The following RGS5 variants were observed in gnomAD, a reference collection of about 807,000 sequenced individuals.
The protein encoded by RGS5 is regulator of G protein signaling 5, also known as regulator of G-protein signalling 5.
A neutral mutation model predicts 18.9 loss-of-function variants in RGS5; 20 were observed. That is an observed-to-expected ratio of 1.06 (90% CI 0.74 to 1.54). RGS5 has a LOEUF of 1.54. Ranked by LOEUF, RGS5 falls within the 40% of genes most tolerant of loss-of-function variation. The pLI, the probability that RGS5 is intolerant of heterozygous loss-of-function variation, is 0.00. For synonymous variants in RGS5, 57 were observed against 76.2 expected (o/e 0.75, Z 1.31); for missense variants, 201 against 211.8 (o/e 0.95, Z 0.32).
chr1:163,180,206 G>A (rs949090046), intron 1 of RGS5, among the ~76,000 whole-genome samples: 5 of 152,096 alleles, frequency 3.3e-5, no homozygotes, highest in African/African-American at 1.2e-4. Context: ...AAATGCCTGA[G>A]CTCAGATGAT....
At position 163,290,371 on chromosome 1, in the gene RGS5, C is replaced by T. The variant is rs1413211713; in HGVS notation, c.-281+15862G>A. Among the ~76,000 whole-genome samples the T allele has an allele frequency of 4.6e-5, 7 of 152,306 alleles. No homozygotes were observed. In the East Asian group the frequency reaches 5.8e-4, roughly 13 times the overall value. On this transcript the variant is annotated intron_variant, in intron 2 of 5. Transcript: ENST00000618415. The stretch of plus-strand genomic sequence containing the variant: ...CTTGGGTATTACCCCACACAAATGA[C>T]GCCTCTTCAATATTTAATCTTACAA...
intron 2 of RGS5, among the ~76,000 whole-genome samples, chr1:163,247,213 CAT>C (rs1440327944): frequency 3.3e-5 from 5 of 152,184 alleles, no homozygotes; most frequent in South Asian, 2.1e-4. Context: ...CAAATCTGCA[CAT>C]GTTCCCCCTA....
At chr1:163,265,119 T>C (rs1234214785) in intron 2 of RGS5, among the ~76,000 whole-genome samples, 2 of 152,156 alleles carry the variant, frequency 1.3e-5, no homozygotes. Context: ...CTTCAGTGTC[T>C]TTTCTGTGTC....
At chr1:163,311,915 T>C (rs997397260) in intron 1 of RGS5, among the ~76,000 whole-genome samples, 2 of 152,242 alleles carry the variant, frequency 1.3e-5, no homozygotes, top group Non-Finnish European at 2.9e-5. Flanking sequence ...TTGTCAAAAA[T>C]GCAGTATCTG....
In RGS5 at chr1:163,144,427, T is replaced by C. The variant is rs1043927721; in HGVS notation, c.*2915A>G. Reference sequence around the variant, plus strand: ...CAGAAAAACTGAAGTTACAGGCAACTACCTGGGCTAATCTTAGGTTTTTTT... The same window carrying C: ...CAGAAAAACTGAAGTTACAGGCAACCACCTGGGCTAATCTTAGGTTTTTTT... On this transcript the variant is annotated 3_prime_UTR_variant, in exon 5 of 5. Coordinates refer to ENST00000313961, the MANE Select transcript of RGS5 (RefSeq NM_003617.4). 15 of 152,232 alleles carry C rather than the reference T, an allele frequency of 9.9e-5. No individual in the cohort carries two copies. The highest frequency in any genetic ancestry group is 3.6e-4 in the African/African-American group (15 of 41,446). The allele number at this position is 152,232 out of a possible 1,614,324, so 9.4% of individuals were successfully genotyped here. A position where few individuals can be genotyped will look rare whatever the true frequency, so the allele number is the denominator to read the frequency against.
At chr1:163,252,058 T>G (rs1648119264) in intron 2 of RGS5, among the ~76,000 whole-genome samples, 1 of 152,138 alleles carries the variant, frequency 6.6e-6, no homozygotes, top group Non-Finnish European at 1.5e-5. Context: ...AAATATATAT[T>G]TAGTTTACTA....
At chr1:163,293,807 T>G (rs1333351646) in intron 2 of RGS5, among the ~76,000 whole-genome samples, 1 of 152,170 alleles carries the variant, frequency 6.6e-6, no homozygotes, top group Non-Finnish European at 1.5e-5. Flanking sequence ...TGGGTAAATG[T>G]TTCTGTTCCA....
intron 2 of RGS5, among the ~76,000 whole-genome samples, chr1:163,291,054 A>G (rs16852030): frequency 0.089 from 13,502 of 151,800 alleles, 676 homozygotes; most frequent in African/African-American, 0.13. Flanking sequence ...TGTTTATATC[A>G]TGTGAATCCC....
At position 163,294,826 on chromosome 1, in the gene RGS5, C is replaced by T. The variant is rs527749716; in HGVS notation, c.-281+11407G>A. On this transcript the variant is annotated intron_variant, in intron 2 of 5. Transcript: ENST00000618415. The stretch of plus-strand genomic sequence containing the variant: ...ACACTTTCAGAAAAAAACGGGTCAC[C>T]TCTTGAATGCTTTGCTGCTTAGAAA... Among the ~76,000 whole-genome samples the T allele has an allele frequency of 1.9e-3, 283 of 152,254 alleles. 1 individual carries two copies. Among genetic ancestry groups the T allele is most frequent in the African/African-American group, 6.6e-3 (273 of 41,544 alleles).
chr1:163,281,332 C>A (rs1162617376), intron 2 of RGS5, among the ~76,000 whole-genome samples: 1 of 152,130 alleles, frequency 6.6e-6, no homozygotes, highest in Admixed American at 6.6e-5. Context: ...TATTTTGGCT[C>A]ATGGTTCTGC....
chr1:163,244,010 A>G (rs1033378793), intron 2 of RGS5, among the ~76,000 whole-genome samples: 2 of 152,354 alleles, frequency 1.3e-5, no homozygotes, highest in African/African-American at 2.4e-5. Flanking sequence ...TTTGTTAAAC[A>G]TTAAATGTAA....
intron 1 of RGS5, among the ~76,000 whole-genome samples, chr1:163,314,410 T>TA (rs1649957484): frequency 6.6e-6 from 1 of 152,078 alleles, no homozygotes; most frequent in African/African-American, 2.4e-5. Flanking sequence ...GAAAAAGATA[T>TA]AGAGAACTTA....
At chr1:163,301,340 C>CT (rs11384334) in intron 2 of RGS5, among the ~76,000 whole-genome samples, 62,129 of 149,462 alleles carry the variant, frequency 0.42, 13,216 homozygotes, top group South Asian at 0.5. Context: ...CAGAATGAGT[C>CT]TTTTTTTTTT....
chr1:163,223,936 A>G (rs1015622822), intron 2 of RGS5, among the ~76,000 whole-genome samples: 1 of 152,178 alleles, frequency 6.6e-6, no homozygotes, highest in Non-Finnish European at 1.5e-5. Flanking sequence ...TTTAATGAAT[A>G]CATAATAATC....
intron 2 of RGS5, among the ~76,000 whole-genome samples, chr1:163,235,631 C>CT (rs1204133425): frequency 6.6e-6 from 1 of 152,114 alleles, no homozygotes; most frequent in Non-Finnish European, 1.5e-5. Flanking sequence ...TCTGGAACAC[C>CT]TTTTTTCATA....
intron 2 of RGS5, among the ~76,000 whole-genome samples, chr1:163,292,926 C>T (rs1649327576): frequency 2.0e-5 from 3 of 152,080 alleles, no homozygotes; most frequent in Non-Finnish European, 2.9e-5. Flanking sequence ...AGACCTTTGT[C>T]GAATGGATAG....
chr1:163,197,399 A>G (rs1450501462), intron 1 of RGS5, among the ~76,000 whole-genome samples: 2 of 152,066 alleles, frequency 1.3e-5, no homozygotes, highest in African/African-American at 4.8e-5. Flanking sequence ...CTGCCCACTA[A>G]AAGCTCTAGG....
chr1:163,232,131 G>T (rs569772445), intron 2 of RGS5, among the ~76,000 whole-genome samples: 5 of 152,238 alleles, frequency 3.3e-5, no homozygotes, highest in African/African-American at 4.8e-5. Context: ...GGGGAAGGAT[G>T]GGCACTGAAC....
Position 163,142,945 on chromosome 1 carries a change from C to A in RGS5, c.*4397G>T, listed in dbSNP as rs376779094. 1 of 152,128 alleles carries A rather than the reference C, an allele frequency of 6.6e-6. No homozygotes were observed. The allele number at this position is 152,128 out of a possible 1,614,324, so 9.4% of individuals were successfully genotyped here. ...AAAATAATAAGATGTATTATTAAAA[C>A]GTGAGTTGAGAATAATATTCCAAAT... is the stretch of plus-strand genomic sequence containing the variant. On this transcript the variant is annotated 3_prime_UTR_variant, in exon 5 of 5. Coordinates refer to ENST00000313961, the MANE Select transcript of RGS5 (RefSeq NM_003617.4).
Sources: gnomAD v4.1 joint callset for allele counts (sites outside exome capture counted in the v4.1 genomes callset) on GRCh38, gnomAD v4.1.1 for gene constraint, MANE v1.5 for transcripts, NCBI Gene and HGNC (gene_info 2026-07-23, HGNC 2026-07-21) for gene names.